Variants in CSNK1G3 observed in about 807,000 individuals in gnomAD.
The protein encoded by CSNK1G3 is casein kinase 1 gamma 3, also known as casein kinase I isoform gamma-3.
In CSNK1G3, 23 loss-of-function variants were observed where a neutral mutation model predicts 64.3. The ratio of observed to expected loss-of-function variants is 0.36; its 90% CI spans 0.26 to 0.51. The LOEUF is 0.51. Ranked by LOEUF, CSNK1G3 falls within the 20% of genes least tolerant of loss-of-function variation. CSNK1G3 has a pLI of 0.96. For synonymous variants in CSNK1G3, 158 were observed against 162.2 expected, an observed-to-expected ratio of 0.97 and a Z score of 0.20; for missense variants, 357 against 510.5, an observed-to-expected ratio of 0.70 and a Z score of 2.90.
intron 6 of CSNK1G3, among the ~76,000 whole-genome samples, chr5:123,582,742 T>C (rs972952152): frequency 7.2e-5 from 11 of 152,230 alleles, no homozygotes; most frequent in Middle Eastern, 3.4e-3. Context: ...CAGGCTTTAA[T>C]AGGGGCCAGA....
chr5:123,554,342 G>A (rs915593113), intron 3 of CSNK1G3, among the ~76,000 whole-genome samples: 3 of 152,174 alleles, frequency 2.0e-5, no homozygotes, highest in Non-Finnish European at 2.9e-5. Context: ...GCGTTTCTTA[G>A]AGGTGGATTC....
At chr5:123,531,893 G>T (rs1327568855) in intron 1 of CSNK1G3, among the ~76,000 whole-genome samples, 2 of 151,848 alleles carry the variant, frequency 1.3e-5, no homozygotes, top group Admixed American at 1.3e-4. Flanking sequence ...GGGTATTTCT[G>T]TGAGTCTTCT....
intron 1 of CSNK1G3, among the ~76,000 whole-genome samples, chr5:123,523,959 C>T (rs1472434185): frequency 6.6e-6 from 1 of 152,202 alleles, no homozygotes; most frequent in African/African-American, 2.4e-5. Context: ...GGTGTATACC[C>T]ACTGTATCAC....
intron 10 of CSNK1G3, among the ~76,000 whole-genome samples, chr5:123,602,761 G>C (rs913711255): frequency 6.6e-6 from 1 of 152,086 alleles, no homozygotes; most frequent in Non-Finnish European, 1.5e-5. Context: ...ATGGGTGAGT[G>C]GTTAGGCCCA....
intron 1 of CSNK1G3, among the ~76,000 whole-genome samples, chr5:123,515,221 C>T (rs780757222): frequency 7.9e-5 from 12 of 152,060 alleles, no homozygotes; most frequent in Non-Finnish European, 1.8e-4. Flanking sequence ...TCCTGTAATC[C>T]TCTCCATGCT....
At chr5:123,567,441 A>G (rs1787141045) in intron 4 of CSNK1G3, among the ~76,000 whole-genome samples, 1 of 152,116 alleles carries the variant, frequency 6.6e-6, no homozygotes, top group South Asian at 2.1e-4. Context: ...TCTCTACTAA[A>G]AATACAATAA....
intron 8 of CSNK1G3, among the ~76,000 whole-genome samples, chr5:123,589,654 C>T (rs1377080715): frequency 6.6e-6 from 1 of 151,988 alleles, no homozygotes; most frequent in East Asian, 1.9e-4. Flanking sequence ...AAATGCCCTG[C>T]TTTACTAATT....
intron 12 of CSNK1G3, among the ~76,000 whole-genome samples, chr5:123,609,353 T>C (rs1268870156): frequency 6.6e-6 from 1 of 152,184 alleles, no homozygotes; most frequent in East Asian, 1.9e-4. Context: ...TTTAAAAATA[T>C]AAATTAAGTT....
intron 2 of CSNK1G3, among the ~76,000 whole-genome samples, chr5:123,549,767 T>C (rs1783291520): frequency 6.6e-6 from 1 of 152,178 alleles, no homozygotes; most frequent in Admixed American, 6.6e-5. Context: ...AACCTTTGTT[T>C]TCATGAGGGA....
intron 4 of CSNK1G3, among the ~76,000 whole-genome samples, chr5:123,562,698 T>A (rs1388730013): frequency 2.0e-5 from 3 of 152,018 alleles, no homozygotes; most frequent in African/African-American, 7.2e-5. Context: ...TATGATTAGG[T>A]AAATTTATTT....
chr5:123,548,149 CAGGGCATTTAAA>C (rs1782910268), intron 2 of CSNK1G3, among the ~76,000 whole-genome samples: 1 of 151,944 alleles, frequency 6.6e-6, no homozygotes, highest in Non-Finnish European at 1.5e-5. Flanking sequence ...CCAGACATTG[CAGGGCATTTAAA>C]ACTTGAGACT....
intron 1 of CSNK1G3, among the ~76,000 whole-genome samples, chr5:123,538,118 A>G (rs1057411024): frequency 4.6e-5 from 7 of 152,182 alleles, no homozygotes; most frequent in African/African-American, 1.7e-4. Flanking sequence ...GACTATTACT[A>G]TAAGTGAGGC....
chr5:123,529,105 G>C (rs1277331836), intron 1 of CSNK1G3, among the ~76,000 whole-genome samples: 2 of 152,184 alleles, frequency 1.3e-5, no homozygotes, highest in Non-Finnish European at 2.9e-5. Flanking sequence ...GGTGTGATAA[G>C]CCTTATGGAA....
intron 1 of CSNK1G3, among the ~76,000 whole-genome samples, chr5:123,540,413 A>G (rs113131643): frequency 4.6e-5 from 7 of 152,140 alleles, no homozygotes; most frequent in Non-Finnish European, 8.8e-5. Flanking sequence ...TCTTTTCTCT[A>G]GCTATTTTAA....
chr5:123,569,390 G>A (rs887331091), intron 4 of CSNK1G3, among the ~76,000 whole-genome samples: 2 of 152,154 alleles, frequency 1.3e-5, no homozygotes, highest in African/African-American at 4.8e-5. Context: ...CAGTTACAAT[G>A]TAGAGTATAG....
At chr5:123,605,286 T>TTC (rs768630902) in intron 11 of CSNK1G3, 53 bp from the exon 13 acceptor site, 5 of 1,456,950 alleles carry the variant, frequency 3.4e-6, no homozygotes, top group Admixed American at 1.9e-5. Context: ...CTGTTTCTGA[T>TTC]TCTCTCTCTC....
At chr5:123,513,308 G>A (rs1776584279) in intron 1 of CSNK1G3, among the ~76,000 whole-genome samples, 1 of 152,152 alleles carries the variant, frequency 6.6e-6, no homozygotes, top group Admixed American at 6.5e-5. Flanking sequence ...TCAGCAGGAT[G>A]AGGAGGGAGA....
At chr5:123,570,565 A>C (rs970561850) in intron 4 of CSNK1G3, among the ~76,000 whole-genome samples, 2 of 152,128 alleles carry the variant, frequency 1.3e-5, no homozygotes, top group Non-Finnish European at 2.9e-5. Context: ...CATGTGGGCC[A>C]GGCTGGTTTC....
chr5:123,576,025 TTTTA>T, intron 6 of CSNK1G3, 62 bp downstream of exon 6: 1 of 1,068,914 alleles, frequency 9.4e-7, no homozygotes, highest in Non-Finnish European at 1.4e-6. Context: ...CACTGTGAGT[TTTTA>T]TTTGTTATGG....
Sources: gnomAD v4.1 joint callset for allele counts (sites outside exome capture counted in the v4.1 genomes callset) on GRCh38, gnomAD v4.1.1 for gene constraint, MANE v1.5 for transcripts, NCBI Gene and HGNC (gene_info 2026-07-23, HGNC 2026-07-21) for gene names.